Variants in CD244 observed in about 807,000 individuals in gnomAD.
CD244 encodes the protein CD244 molecule.
Under a neutral mutation model 45.5 loss-of-function variants are expected in CD244, and 20 were observed. That is an observed-to-expected ratio of 0.44 (90% confidence interval 0.31 to 0.64). The LOEUF is 0.64. Among genes scored for constraint, CD244 ranks in the 30% least tolerant of loss-of-function variants. The pLI, the probability that CD244 is intolerant of heterozygous loss-of-function variation, is 0.08. For synonymous variants in CD244, 185 were observed against 160.5 expected (o/e 1.15, Z -1.15); for missense variants, 407 against 426.9 (o/e 0.95, Z 0.41).
intron 6 of CD244, 95 bp downstream of exon 6, chr1:160,836,100 G>A: frequency 2.2e-6 from 2 of 912,276 alleles, no homozygotes; most frequent in Middle Eastern, 2.1e-4. Flanking sequence ...GAAGCACCAA[G>A]ATCTTATTCT....
chr1:160,854,086 T>A (rs1369417029), intron 1 of CD244, among the ~76,000 whole-genome samples: 1 of 152,164 alleles, frequency 6.6e-6, no homozygotes, highest in East Asian at 1.9e-4. Context: ...GGCTTATGGG[T>A]CTGGTAAAGA....
At chr1:160,845,794 T>G (rs1373485369) in intron 1 of CD244, among the ~76,000 whole-genome samples, 1 of 150,852 alleles carries the variant, frequency 6.6e-6, no homozygotes, top group Non-Finnish European at 1.5e-5. Flanking sequence ...AGGTGGAGGT[T>G]GCAGTGAGCC....
Position 160,860,274 on chromosome 1 carries a change from G to A in CD244, c.61+2343C>T, listed in dbSNP as rs956059847. Among the ~76,000 whole-genome samples the A allele has an allele frequency of 9.9e-5, 15 of 152,182 alleles. No individual in the cohort carries two copies. In the East Asian group the frequency reaches 2.9e-3, roughly 29 times the overall value. Reference sequence around the variant, plus strand: ...CATATGATAACCTGAATCATATGAGGGAACATCAGACAAACCCAGATTAAG... The same window carrying A: ...CATATGATAACCTGAATCATATGAGAGAACATCAGACAAACCCAGATTAAG... On this transcript the variant is annotated intron_variant, in intron 1 of 8. Coordinates refer to ENST00000368034, the MANE Select transcript of CD244 (RefSeq NM_016382.4).
At chr1:160,846,266 G>A (rs1571106042) in intron 1 of CD244, among the ~76,000 whole-genome samples, 1 of 151,958 alleles carries the variant, frequency 6.6e-6, no homozygotes, top group East Asian at 1.9e-4. Context: ...TTGCATCCTC[G>A]TAGCTTAACT....
intron 1 of CD244, among the ~76,000 whole-genome samples, chr1:160,853,549 T>G (rs1056288341): frequency 6.6e-6 from 1 of 152,134 alleles, no homozygotes; most frequent in Non-Finnish European, 1.5e-5. Flanking sequence ...GAGTAATGAC[T>G]ACCTCTCACT....
rs1009651125 is a variant in CD244 at position 160,838,434 on chromosome 1, C to A, written c.834+17G>T. On this transcript the variant is annotated intron_variant, in intron 5 of 8. Transcript: ENST00000368034. ...CCAAGCCAGCTGAGAGAGACCCCAG[C>A]CTCCGGGATGACATACGTGATTTCT... 5 of 1,596,306 alleles carry A rather than the reference C, an allele frequency of 3.1e-6. No individual in the cohort carries two copies. The African/African-American group carries it at 6.7e-5, about 21-fold the overall frequency.
intron 1 of CD244, among the ~76,000 whole-genome samples, chr1:160,856,590 G>A (rs996848610): frequency 2.6e-5 from 4 of 152,248 alleles, no homozygotes; most frequent in Middle Eastern, 3.4e-3. Context: ...TATTCTAAAT[G>A]TATCTTGCCT....
chr1:160,852,521 C>G (rs1669954374), intron 1 of CD244, among the ~76,000 whole-genome samples: 1 of 152,094 alleles, frequency 6.6e-6, no homozygotes, highest in South Asian at 2.1e-4. Flanking sequence ...TGTACTCCAG[C>G]CTGGGTGACA....
chr1:160,846,359 C>T (rs1242445213), intron 1 of CD244, among the ~76,000 whole-genome samples: 1 of 152,152 alleles, frequency 6.6e-6, no homozygotes, highest in African/African-American at 2.4e-5. Flanking sequence ...AACTGCCTAT[C>T]TAGAATTTCG....
chr1:160,836,754 A>T (rs184380041), intron 5 of CD244, among the ~76,000 whole-genome samples: 198 of 152,216 alleles, frequency 1.3e-3, no homozygotes, highest in Non-Finnish European at 1.7e-3. Context: ...CAGGAAGCAG[A>T]GCTTCCTGCT....
chr1:160,850,873 T>A (rs1162206175), intron 1 of CD244, among the ~76,000 whole-genome samples: 2 of 152,218 alleles, frequency 1.3e-5, no homozygotes, highest in Non-Finnish European at 2.9e-5. Flanking sequence ...AAGCTCCAGA[T>A]TGTTTTACCT....
At chr1:160,837,142 T>C (rs1209106090) in intron 5 of CD244, among the ~76,000 whole-genome samples, 2 of 152,158 alleles carry the variant, frequency 1.3e-5, no homozygotes, top group Non-Finnish European at 2.9e-5. Flanking sequence ...ATTGGAGCCC[T>C]GAGACAATAG....
chr1:160,832,899 T>TAC (rs1557829430), intron 7 of CD244, among the ~76,000 whole-genome samples: 18 of 144,004 alleles, frequency 1.2e-4, no homozygotes, highest in African/African-American at 4.6e-4. Context: ...CACACACACA[T>TAC]ATATATACAT....
chr1:160,846,313 C>A (rs1669736995), intron 1 of CD244, among the ~76,000 whole-genome samples: 1 of 152,096 alleles, frequency 6.6e-6, no homozygotes, highest in Non-Finnish European at 1.5e-5. Flanking sequence ...GTTTGGTTTT[C>A]CAAGGAATGA....
intron 1 of CD244, 48 bp from the exon 2 acceptor site, chr1:160,841,949 T>C: frequency 6.5e-7 from 1 of 1,538,442 alleles, no homozygotes; most frequent in Non-Finnish European, 8.9e-7. Context: ...GTGTCAGGCC[T>C]GAGCAATGTG....
rs150548974 is a variant in CD244 at position 160,841,768 on chromosome 1, G to C, written c.195C>G (p.His65Gln). Residue 65 changes from histidine to glutamine, a missense_variant, in exon 2 of 9, where the codon CAC (histidine) becomes CAG (glutamine). By Grantham distance (24) the His-to-Gln change is conservative. Coordinates refer to ENST00000368034, the MANE Select transcript of CD244 (RefSeq NM_016382.4). ...AAGAGCCATTCTCCCACTTCAATATGTGATGAAATCCATTTTGTGAGGGCA... is the reference window on the plus strand; with the variant it reads ...AAGAGCCATTCTCCCACTTCAATATCTGATGAAATCCATTTTGTGAGGGCA... ...KLLPSQNGFH[H>Q]ILKWENGSLP... The C allele has an allele frequency of 2.2e-5, 35 of 1,614,186 alleles. No homozygotes were observed. In the African/African-American group the frequency reaches 4.3e-4, roughly 20 times the overall value.
Position 160,841,843 on chromosome 1 carries a change from T to C in CD244, c.120A>G (p.Gln40=). 1 of 1,614,126 alleles carries C rather than the reference T, an allele frequency of 6.2e-7. No individual in the cohort carries two copies. Among genetic ancestry groups the C allele is most frequent in the South Asian group, 1.1e-5 (1 of 91,068 alleles). ...CAACCTTCGTCTGTATGCTGTTTGG[T>C]TGTAACTGAAGAGGCACTCCCGAGA... ...VSISGVPLQL[Q]PNSIQTKVDS... The change falls in exon 2 of 9, where the codon CAA becomes CAG. Residue 40 remains glutamine (Q), a synonymous_variant. Coordinates refer to ENST00000368034, the MANE Select transcript of CD244 (RefSeq NM_016382.4).
At chr1:160,835,743 T>C (rs1669310606) in intron 6 of CD244, among the ~76,000 whole-genome samples, 2 of 152,182 alleles carry the variant, frequency 1.3e-5, no homozygotes, top group Admixed American at 1.3e-4. Context: ...ACAATAAAAT[T>C]GTTTTAAAAG....
At chr1:160,832,736 G>A (rs1477988343) in intron 7 of CD244, 161 bp from the exon 8 acceptor site, 5 of 1,448,658 alleles carry the variant, frequency 3.5e-6, no homozygotes, top group African/African-American at 1.4e-5. Context: ...GCAAAACAAT[G>A]GTGTTTATGG....
Sources: allele counts gnomAD v4.1 joint callset (sites outside exome capture counted in the v4.1 genomes callset), GRCh38; gene constraint gnomAD v4.1.1; transcripts MANE v1.5; gene names NCBI Gene and HGNC (gene_info 2026-07-23, HGNC 2026-07-21).